Variants in NXPE3 observed in about 807,000 individuals in gnomAD.
The protein encoded by NXPE3 is neurexophilin and PC-esterase domain family member 3.
A neutral mutation model predicts 46.1 loss-of-function variants in NXPE3; 26 were observed. That is an observed-to-expected ratio of 0.56 (90% CI 0.41 to 0.78). The LOEUF is 0.78. Ranked by LOEUF, NXPE3 falls within the 30% of genes least tolerant of loss-of-function variation. The pLI is 0.00. For synonymous variants in NXPE3, 272 were observed against 257.9 expected, an observed-to-expected ratio of 1.05 and a Z score of -0.52; for missense variants, 620 against 686.0, an observed-to-expected ratio of 0.90 and a Z score of 1.07.
At chr3:101,779,442 A>T (rs1412032900) in intron 1 of NXPE3, 118 bp downstream of exon 1, 1 of 152,462 alleles carries the variant, frequency 6.6e-6, no homozygotes, top group East Asian at 1.9e-4. Flanking sequence ...CTCCGCGCGC[A>T]TCTGCTCCCG....
rs71132598 is a variant in NXPE3 at position 101,808,818 on chromosome 3, G to GATATAGATATATATATATATAT, written c.922+1697_922+1698insGATATATATATATATATATATA. Among the ~76,000 whole-genome samples, 70 of 30,806 alleles carry GATATAGATATATATATATATAT rather than the reference G, an allele frequency of 2.3e-3. 1 individual carries two copies. Among genetic ancestry groups the GATATAGATATATATATATATAT allele is most frequent in the South Asian group, 9.3e-3 (5 of 540 alleles). The allele number at this position is 30,806 out of a possible 152,430, so 20.2% of individuals were successfully genotyped here. A position where few individuals can be genotyped will look rare whatever the true frequency, so the allele number is the denominator to read the frequency against. ...ACCAAATGAATTACTAATTTTAGAGGATATATATATATATATATATATATA... is the reference window on the plus strand; with the variant it reads ...ACCAAATGAATTACTAATTTTAGAGGATATAGATATATATATATATATATATATATATATATATATATATATA... On this transcript the variant is annotated intron_variant, in intron 6 of 7. Transcript: ENST00000273347.
At position 101,816,874 on chromosome 3, in the gene NXPE3, A is replaced by G. The variant is rs115260082; in HGVS notation, c.1002A>G (p.Arg334=). 1.7e-3 allele frequency: 2,780 copies of G among 1,614,130 alleles called. 52 individuals carry two copies. The African/African-American group carries it at 0.033, about 19-fold the overall frequency. ...GYYYKDQWRP[R]KFKMRQFNDP... ...ATTATAAAGACCAGTGGAGGCCCAGAAAGTTTAAGATGCGTCAGTTTAATG... is the reference window on the plus strand; with the variant it reads ...ATTATAAAGACCAGTGGAGGCCCAGGAAGTTTAAGATGCGTCAGTTTAATG... Residue 334 remains arginine, a synonymous_variant, in exon 7 of 8, where the codon AGA becomes AGG. Coordinates refer to ENST00000273347, the MANE Select transcript of NXPE3 (RefSeq NM_145037.4).
At chr3:101,817,706 AG>A (rs1942032949) in intron 7 of NXPE3, among the ~76,000 whole-genome samples, 1 of 152,142 alleles carries the variant, frequency 6.6e-6, no homozygotes, top group Non-Finnish European at 1.5e-5. Flanking sequence ...GAGGTAAGGA[AG>A]GAGGGATCCT....
At chr3:101,818,734 TATATATATATATATA>T (rs1942086967) in intron 7 of NXPE3, among the ~76,000 whole-genome samples, 4 of 30,988 alleles carry the variant, frequency 1.3e-4, no homozygotes, top group African/African-American at 4.6e-4. Flanking sequence ...TATATATATA[TATATATATATATATA>T]TATATTTTTT....
intron 4 of NXPE3, among the ~76,000 whole-genome samples, chr3:101,800,692 A>G (rs973392985): frequency 6.7e-6 from 1 of 149,768 alleles, no homozygotes; most frequent in African/African-American, 2.4e-5. Flanking sequence ...AGGTACATAC[A>G]TGTTAAGGGT....
At chr3:101,817,991 A>G (rs1349495125) in intron 7 of NXPE3, among the ~76,000 whole-genome samples, 1 of 152,110 alleles carries the variant, frequency 6.6e-6, no homozygotes, top group Admixed American at 6.5e-5. Flanking sequence ...CCTGGGCTCA[A>G]GCGATCCTCC....
At chr3:101,821,110 T>G (rs1164632919) in intron 7 of NXPE3, among the ~76,000 whole-genome samples, 2 of 152,018 alleles carry the variant, frequency 1.3e-5, no homozygotes, top group African/African-American at 4.8e-5. Flanking sequence ...GAAAAATGGG[T>G]TATTTTGTTT....
chr3:101,803,926 G>C (rs1483561641), intron 5 of NXPE3, among the ~76,000 whole-genome samples: 1 of 152,120 alleles, frequency 6.6e-6, no homozygotes, highest in Non-Finnish European at 1.5e-5. Flanking sequence ...CGTTAGAGTT[G>C]TGTTTTTAGA....
In NXPE3 at chr3:101,811,115, C is replaced by T. The variant is rs185695226; in HGVS notation, c.922+3989C>T. Among the ~76,000 whole-genome samples, 8 of 152,292 alleles carry T rather than the reference C, an allele frequency of 5.3e-5. No homozygotes were observed. The East Asian group carries it at 1.4e-3, about 26-fold the overall frequency. On this transcript the variant is annotated intron_variant, in intron 6 of 7. Coordinates refer to ENST00000273347, the MANE Select transcript of NXPE3 (RefSeq NM_145037.4). ...GGATTACATGCGTGAGCCACGCGCC[C>T]GGCCTTGAATGACCTTTTTGAAGGC...
intron 4 of NXPE3, among the ~76,000 whole-genome samples, chr3:101,786,698 C>G (rs1237051766): frequency 6.6e-6 from 1 of 152,204 alleles, no homozygotes; most frequent in African/African-American, 2.4e-5. Context: ...CAATCCTACA[C>G]CGATAGTTCC....
chr3:101,822,114 C>A lies in NXPE3; in HGVS notation c.*160C>A. On this transcript the variant is annotated 3_prime_UTR_variant, in exon 8 of 8. Transcript: ENST00000273347. ...TGACTTATAAGGAGCTTAGAAAATG[C>A]AGGTTACATTTATATCTACCTATAG... The A allele has an allele frequency of 1.6e-6, 1 of 639,178 alleles. No homozygotes were observed. The highest frequency in any genetic ancestry group is 2.1e-5 in the South Asian group (1 of 47,058). The allele number at this position is 639,178 out of a possible 1,614,324, so 39.6% of individuals were successfully genotyped here.
At chr3:101,795,406 T>G (rs1940770009) in intron 4 of NXPE3, among the ~76,000 whole-genome samples, 1 of 151,748 alleles carries the variant, frequency 6.6e-6, no homozygotes, top group Non-Finnish European at 1.5e-5. Flanking sequence ...TAATCCTAGC[T>G]ACTCGGGAGG....
In NXPE3 at chr3:101,823,319, G is replaced by A. The variant is rs776562830; in HGVS notation, c.*1365G>A. On this transcript the variant is annotated 3_prime_UTR_variant, in exon 8 of 8. Transcript: ENST00000273347. ...CCAGATCTTACTTTCCTGTCCTTGA[G>A]GAACACCTTCAAGTTTTTAAAGTAT... is the stretch of plus-strand genomic sequence containing the variant. 1.2e-4 allele frequency: 19 copies of A among 152,042 alleles called. No homozygotes were observed. The highest frequency in any genetic ancestry group is 4.6e-4 in the Admixed American group (7 of 15,264). The allele number at this position is 152,042 out of a possible 1,614,324, so 9.4% of individuals were successfully genotyped here.
intron 5 of NXPE3, 117 bp downstream of exon 5, chr3:101,802,106 C>A: frequency 1.1e-6 from 1 of 935,134 alleles, no homozygotes; most frequent in Non-Finnish European, 1.6e-6. Context: ...CAACTTGGCC[C>A]AATACAGAAG....
intron 6 of NXPE3, among the ~76,000 whole-genome samples, chr3:101,807,613 GC>G (rs963081643): frequency 7.2e-5 from 11 of 151,866 alleles, no homozygotes; most frequent in African/African-American, 2.7e-4. Context: ...CATGTGCACG[GC>G]CGAGTTTTGC....
Position 101,821,688 on chromosome 3 carries a change from G to A in NXPE3, c.1414G>A (p.Asp472Asn), listed in dbSNP as rs778173816. ...NIRRAVVRLL[D>N]RSPKTVVVIR... is the part of the protein sequence containing the mutation. ...CCGTCGAGCAGTGGTTCGGCTCCTC[G>A]ATCGAAGCCCAAAGACCGTGGTGGT... is the stretch of plus-strand genomic sequence containing the variant. Residue 472 changes from aspartate to asparagine, a missense_variant, in exon 8 of 8, where the codon GAT becomes AAT. By Grantham distance (23) the Asp-to-Asn change is conservative (BLOSUM62 1). This residue lies in a region of NXPE3 where 75 missense variants were observed against 121.1 expected (regional missense o/e 0.62). Coordinates refer to ENST00000273347, the MANE Select transcript of NXPE3 (RefSeq NM_145037.4). The A allele has an allele frequency of 5.0e-6, 8 of 1,614,078 alleles. No homozygotes were observed. The highest frequency in any genetic ancestry group is 2.7e-5 in the African/African-American group (2 of 74,912).
chr3:101,812,266 G>A (rs753598793), intron 6 of NXPE3, among the ~76,000 whole-genome samples: 13 of 152,128 alleles, frequency 8.5e-5, no homozygotes, highest in Non-Finnish European at 1.9e-4. Context: ...CTATTTTAAA[G>A]ACAACTACTT....
At chr3:101,791,499 C>T (rs1386620864) in intron 4 of NXPE3, among the ~76,000 whole-genome samples, 1 of 152,184 alleles carries the variant, frequency 6.6e-6, no homozygotes, top group Admixed American at 6.5e-5. Context: ...TATTCTCCTG[C>T]CTCAGCCTCC....
At chr3:101,817,179 G>A (rs1942013124) in intron 7 of NXPE3, among the ~76,000 whole-genome samples, 178 bp downstream of exon 7, 1 of 152,216 alleles carries the variant, frequency 6.6e-6, no homozygotes, top group African/African-American at 2.4e-5. Flanking sequence ...TAGCTGTGTT[G>A]TGTTGTACTC....
Sources: allele counts gnomAD v4.1 joint callset (sites outside exome capture counted in the v4.1 genomes callset), GRCh38; gene constraint gnomAD v4.1.1; regional missense constraint gnomAD v4.1.1; transcripts MANE v1.5; gene names NCBI Gene and HGNC (gene_info 2026-07-23, HGNC 2026-07-21).